GAN: variants seen among roughly 807,000 people sequenced by gnomAD.
GAN encodes the protein epididymis secretory sperm binding protein.
Under a neutral mutation model 71.3 loss-of-function variants are expected in GAN, and 48 were observed. The ratio of observed to expected loss-of-function variants is 0.67; its 90% CI spans 0.53 to 0.86. The LOEUF is 0.86. Among genes scored for constraint, GAN ranks in the 40% least tolerant of loss-of-function variants. GAN has a pLI of 0.00. For synonymous variants in GAN, 386 were observed against 276.8 expected (o/e 1.39, Z -3.92); for missense variants, 928 against 770.1 (o/e 1.21, Z -2.43).
chr16:81,363,650 C>T, intron 6 of GAN, 144 bp from the exon 7 acceptor site: 1 of 787,776 alleles, frequency 1.3e-6, no homozygotes, highest in South Asian at 1.5e-5. Flanking sequence ...GCCCTTGCTC[C>T]TCTCCCTGTC....
rs144007114 is a variant in GAN at position 81,351,652 on chromosome 16, G to A, written c.237G>A (p.Ser79=). 3.5e-5 allele frequency: 55 copies of A among 1,562,896 alleles called. No individual in the cohort carries two copies. The African/African-American group carries it at 6.2e-4, about 18-fold the overall frequency. The part of the protein sequence containing the change: ...STYKIELEGI[S]VMVMREILDY... ...ATAAGATTGAACTTGAAGGGATATC[G>A]GTAATGGTTATGAGAGAGATCCTGG... is the stretch of plus-strand genomic sequence containing the variant. Residue 79 remains serine, a synonymous_variant, in exon 2 of 11, where the codon TCG becomes TCA. Coordinates refer to ENST00000648994, the MANE Select transcript of GAN (RefSeq NM_022041.4).
intron 3 of GAN, among the ~76,000 whole-genome samples, chr16:81,356,032 C>T (rs560904373): frequency 6.6e-6 from 1 of 152,172 alleles, no homozygotes; most frequent in Non-Finnish European, 1.5e-5. Flanking sequence ...CATGCTGCTC[C>T]TTGCCAGCTT....
chr16:81,374,799 CA>C (rs1761572521), intron 9 of GAN, among the ~76,000 whole-genome samples: 1 of 152,190 alleles, frequency 6.6e-6, no homozygotes, highest in African/African-American at 2.4e-5. Context: ...AGCACTTCTT[CA>C]TAGAGCCTCA....
chr16:81,320,262 C>T (rs1909182432), intron 1 of GAN, among the ~76,000 whole-genome samples: 1 of 152,182 alleles, frequency 6.6e-6, no homozygotes, highest in South Asian at 2.1e-4. Context: ...TTTTGAATAT[C>T]TGAAACATAC....
chr16:81,365,292 G>C, intron 8 of GAN, 58 bp from the exon 9 acceptor site: 1 of 1,609,816 alleles, frequency 6.2e-7, no homozygotes, highest in Non-Finnish European at 8.5e-7. Context: ...GAGGAACGCG[G>C]GAGTGAGATC....
rs184695390 is a variant in GAN, at chr16:81,328,036, C to T, written c.167+12756C>T. 1.2e-4 allele frequency among the ~76,000 whole-genome samples: 19 copies of T among 152,320 alleles called. No homozygotes were observed. The East Asian group carries it at 3.1e-3, about 25-fold the overall frequency. On this transcript the variant is annotated intron_variant, in intron 1 of 10. Transcript: ENST00000648994. Reference sequence around the variant, plus strand: ...AATTTCTTGGCTTCACCAGTTGCTGCGTCATCGTTTTAATCGTCTTTGAAC... The same window carrying T: ...AATTTCTTGGCTTCACCAGTTGCTGTGTCATCGTTTTAATCGTCTTTGAAC...
intron 1 of GAN, among the ~76,000 whole-genome samples, chr16:81,325,723 G>T (rs1358908937): frequency 2.1e-4 from 32 of 152,192 alleles, no homozygotes; most frequent in Admixed American, 2.1e-3. Context: ...TTGAACATGA[G>T]AACTAAGAAT....
At chr16:81,338,855 G>C (rs1436226665) in intron 1 of GAN, among the ~76,000 whole-genome samples, 1 of 152,200 alleles carries the variant, frequency 6.6e-6, no homozygotes, top group Non-Finnish European at 1.5e-5. Flanking sequence ...GAGAGGCCCT[G>C]ATTTCCAACT....
chr16:81,357,532 G>T (rs1351609408), intron 4 of GAN, among the ~76,000 whole-genome samples: 1 of 152,134 alleles, frequency 6.6e-6, no homozygotes, highest in South Asian at 2.1e-4. Context: ...TTGGTTCCAA[G>T]TCTTTGCTAT....
intron 1 of GAN, among the ~76,000 whole-genome samples, chr16:81,342,409 A>G (rs1909974244): frequency 6.6e-6 from 1 of 152,238 alleles, no homozygotes; most frequent in East Asian, 1.9e-4. Context: ...CAAATGTAAA[A>G]GAACAGAAAT....
At chr16:81,368,633 C>G (rs1910938310) in intron 9 of GAN, among the ~76,000 whole-genome samples, 1 of 152,144 alleles carries the variant, frequency 6.6e-6, no homozygotes, top group Non-Finnish European at 1.5e-5. Context: ...ATCTTGAATT[C>G]TGTCTTGTAC....
intron 2 of GAN, 83 bp downstream of exon 2, chr16:81,351,780 A>G (rs1008242723): frequency 1.3e-6 from 1 of 776,060 alleles, no homozygotes; most frequent in Middle Eastern, 2.3e-4. Context: ...CCATTATATG[A>G]CAAAGTAGCA....
At position 81,378,754 on chromosome 16, in the gene GAN, T is replaced by A. The variant is rs1480419489; in HGVS notation, c.*1158T>A. 6.6e-6 allele frequency: 1 copy of A among 152,654 alleles called. No homozygotes were observed. Among genetic ancestry groups the A allele is most frequent in the Non-Finnish European group, 1.5e-5 (1 of 68,040 alleles). 9.5% of individuals were successfully genotyped at this position (152,654 alleles called of 1,614,324 possible). On this transcript the variant is annotated 3_prime_UTR_variant, in exon 11 of 11. Coordinates refer to ENST00000648994, the MANE Select transcript of GAN (RefSeq NM_022041.4). The stretch of plus-strand genomic sequence containing the variant: ...AATAAACTACCTCAACTTAATTTCA[T>A]TCTGTTCATAGTAGAGCAAATTAAT...
chr16:81,320,796 G>A (rs1276472756), intron 1 of GAN, among the ~76,000 whole-genome samples: 2 of 152,148 alleles, frequency 1.3e-5, no homozygotes, highest in Non-Finnish European at 2.9e-5. Context: ...TCTTTTAAGG[G>A]ATCTAGACTT....
intron 5 of GAN, among the ~76,000 whole-genome samples, chr16:81,361,384 TGTAAGTTA>T (rs1910667927): frequency 6.9e-6 from 1 of 144,356 alleles, no homozygotes; most frequent in Non-Finnish European, 1.5e-5. Context: ...TGGTATTAAC[TGTAAGTTA>T]AGTTCAAGGC....
rs747617416 is a variant in GAN, at chr16:81,386,500, A to T, written c.*8904A>T. 4 of 152,286 alleles carry T rather than the reference A, an allele frequency of 2.6e-5. No individual in the cohort carries two copies. The highest frequency in any genetic ancestry group is 5.9e-5 in the Non-Finnish European group (4 of 68,050). The allele number at this position is 152,286 out of a possible 1,614,324, so 9.4% of individuals were successfully genotyped here. A position where few individuals can be genotyped will look rare whatever the true frequency, so the allele number is the denominator to read the frequency against. On this transcript the variant is annotated 3_prime_UTR_variant, in exon 11 of 11. Coordinates refer to ENST00000648994, the MANE Select transcript of GAN (RefSeq NM_022041.4). Reference sequence around the variant, plus strand: ...GAAGGTTATTTAACAAAGTGGTACAAACAGTGAACTACTTAATCCTTCTAT... The same window carrying T: ...GAAGGTTATTTAACAAAGTGGTACATACAGTGAACTACTTAATCCTTCTAT...
At chr16:81,316,490 T>TG (rs1030791107) in intron 1 of GAN, among the ~76,000 whole-genome samples, 2 of 16,122 alleles carry the variant, frequency 1.2e-4, no homozygotes, top group Non-Finnish European at 2.6e-4. Flanking sequence ...TGTGGAGGGG[T>TG]GGGGGGGCGG....
In GAN at chr16:81,365,421, C is replaced by T. The variant is rs146576740; in HGVS notation, c.1445C>T (p.Ala482Val). Residue 482 changes from alanine (A) to valine (V), a missense_variant, in exon 9 of 11, where the codon GCC becomes GTC. Transcript: ENST00000648994. ...GGGGGAGTCCGAAGTCGTGAGGACG[C>T]CCAGGGTAGCGAGATGGTAACTTGC... ...VFGGVRSRED[A>V]QGSEMVTCKS... 2.3e-3 allele frequency: 3,703 copies of T among 1,613,374 alleles called. 5 individuals carry two copies. The highest frequency in any genetic ancestry group is 6.9e-3 in the Middle Eastern group (42 of 6,060).
At chr16:81,362,671 T>G in intron 6 of GAN, 60 bp downstream of exon 6, 1 of 938,214 alleles carries the variant, frequency 1.1e-6, no homozygotes. Flanking sequence ...GCGCTTCTGT[T>G]TGTTTTGTGT....
Sources: gnomAD v4.1 joint callset for allele counts (sites outside exome capture counted in the v4.1 genomes callset) on GRCh38, gnomAD v4.1.1 for gene constraint, MANE v1.5 for transcripts, NCBI Gene and HGNC (gene_info 2026-07-23, HGNC 2026-07-21) for gene names.